Variants in PARD3 observed in about 807,000 individuals in gnomAD.
PARD3 encodes partitioning defective 3 homolog.
PARD3 carries 75 observed loss-of-function variants against 155.4 expected under a neutral mutation model. The observed-to-expected ratio is 0.48, with a 90% CI of 0.40 to 0.58. The LOEUF (loss-of-function observed/expected upper bound fraction) is 0.58, where lower values mean the gene tolerates loss of function less well. Among genes scored for constraint, PARD3 ranks in the 20% least tolerant of loss-of-function variants. The pLI is 0.00. For missense variants in PARD3, 1,642 were observed against 1,721.7 expected (o/e 0.95, Z 0.82); for synonymous variants, 576 against 610.5 (o/e 0.94, Z 0.83).
chr10:34,374,894 CGTCT>C lies in PARD3; in HGVS notation c.1644_1647del (p.Asp549ProfsTer7), dbSNP rs754310124. 1 of 1,613,914 alleles carries C rather than the reference CGTCT, an allele frequency of 6.2e-7. No homozygotes were observed. The highest frequency in any genetic ancestry group is 8.5e-7 in the Non-Finnish European group (1 of 1,179,864). On this transcript the variant is annotated frameshift_variant, in exon 11 of 25. Transcript: ENST00000374788. LOFTEE classifies it high-confidence loss of function. ...CACACCAGTTCCCTTGGGTGGAAGG[CGTCT>C]TCCTGGCGAAAGACCAGAAGGCTCA...
At chr10:34,346,384 G>A (rs1013298029) in intron 15 of PARD3, 2 of 1,326,928 alleles carry the variant, frequency 1.5e-6, no homozygotes, top group African/African-American at 1.5e-5. Context: ...AGGGATTGGA[G>A]GCAGGACGCA....
At chr10:34,281,682 A>G (rs1050629779) in intron 21 of PARD3, among the ~76,000 whole-genome samples, 6 of 152,174 alleles carry the variant, frequency 3.9e-5, no homozygotes, top group African/African-American at 1.4e-4. Flanking sequence ...AGATCTTAAC[A>G]TTGAAGAAAA....
chr10:34,357,347 G>A (rs1175824165), intron 14 of PARD3, among the ~76,000 whole-genome samples: 1 of 152,122 alleles, frequency 6.6e-6, no homozygotes, highest in Middle Eastern at 3.2e-3. Context: ...TAGAATGCAT[G>A]CCATCTGTCT....
chr10:34,222,397 C>T (rs539391982), intron 22 of PARD3, among the ~76,000 whole-genome samples: 113 of 152,334 alleles, frequency 7.4e-4, no homozygotes, highest in African/African-American at 2.5e-3. Flanking sequence ...CTGCAGAAAG[C>T]GGTCCCTCCT....
At chr10:34,563,751 G>C (rs1042975483) in intron 2 of PARD3, among the ~76,000 whole-genome samples, 1 of 151,974 alleles carries the variant, frequency 6.6e-6, no homozygotes, top group Non-Finnish European at 1.5e-5. Flanking sequence ...GGATGGTCTC[G>C]ATCTCTTGAC....
At chr10:34,490,927 T>G (rs1223784835) in intron 3 of PARD3, among the ~76,000 whole-genome samples, 2 of 152,214 alleles carry the variant, frequency 1.3e-5, no homozygotes, top group Non-Finnish European at 2.9e-5. Flanking sequence ...CAGGAATTAC[T>G]TTCACAAGCT....
chr10:34,129,774 C>T (rs1430480729), intron 23 of PARD3, among the ~76,000 whole-genome samples: 1 of 147,416 alleles, frequency 6.8e-6, no homozygotes, highest in Non-Finnish European at 1.5e-5. Context: ...CCTCCCAACT[C>T]AGCCTCCTGA....
At chr10:34,738,578 T>C (rs554611316) in intron 1 of PARD3, among the ~76,000 whole-genome samples, 1 of 152,328 alleles carries the variant, frequency 6.6e-6, no homozygotes, top group East Asian at 1.9e-4. Flanking sequence ...ACCCCATCTC[T>C]ACACATAATT....
chr10:34,585,674 T>C (rs2087959287), intron 2 of PARD3, among the ~76,000 whole-genome samples: 1 of 152,100 alleles, frequency 6.6e-6, no homozygotes, highest in Admixed American at 6.6e-5. Context: ...ATCATTCAAA[T>C]CACTCTGTCT....
intron 20 of PARD3, among the ~76,000 whole-genome samples, chr10:34,289,251 G>A (rs186318707): frequency 4.3e-4 from 65 of 152,034 alleles, no homozygotes; most frequent in African/African-American, 9.9e-4. Context: ...GTGCAGTGGC[G>A]CAATCTCAGC....
chr10:34,204,290 T>C (rs1174048364), intron 22 of PARD3, among the ~76,000 whole-genome samples: 2 of 152,162 alleles, frequency 1.3e-5, no homozygotes, highest in East Asian at 3.9e-4. Flanking sequence ...GGGGTTTTAT[T>C]AGTGGCTTAC....
chr10:34,177,466 A>C (rs1370365233), intron 22 of PARD3, among the ~76,000 whole-genome samples: 1 of 152,222 alleles, frequency 6.6e-6, no homozygotes, highest in Non-Finnish European at 1.5e-5. Context: ...TTCATCAGCC[A>C]GATTTCAAAA....
At chr10:34,682,026 T>C (rs928865586) in intron 2 of PARD3, among the ~76,000 whole-genome samples, 7 of 151,638 alleles carry the variant, frequency 4.6e-5, no homozygotes, top group African/African-American at 1.7e-4. Context: ...GCTCAATAAA[T>C]ATGTGAGGGC....
chr10:34,545,628 C>T (rs1190908238), intron 2 of PARD3, among the ~76,000 whole-genome samples: 1 of 152,308 alleles, frequency 6.6e-6, no homozygotes, highest in African/African-American at 2.4e-5. Flanking sequence ...AATCTCGGCT[C>T]ACTGCAATCT....
rs534287950 is a variant in PARD3 at position 34,766,403 on chromosome 10, A to C, written c.120+48473T>G. On this transcript the variant is annotated intron_variant, in intron 1 of 24. Transcript: ENST00000374788. ...TCTGCCAGAAGCTACCATCTGCTTC[A>C]TATCCCAGACAGCAAAACATTTCAA... Among the ~76,000 whole-genome samples the C allele has an allele frequency of 1.2e-3, 183 of 152,336 alleles. 4 individuals carry two copies. In the South Asian group the frequency reaches 0.021, roughly 17 times the overall value.
At chr10:34,695,796 A>G (rs539447862) in intron 2 of PARD3, among the ~76,000 whole-genome samples, 5 of 151,736 alleles carry the variant, frequency 3.3e-5, no homozygotes, top group Admixed American at 3.3e-4. Flanking sequence ...CAAATGGCCC[A>G]TCGCACAGCA....
chr10:34,258,460 G>A (rs752193866), intron 22 of PARD3, among the ~76,000 whole-genome samples: 48 of 152,198 alleles, frequency 3.2e-4, no homozygotes, highest in Non-Finnish European at 2.8e-4. Flanking sequence ...TGCGTTTGCT[G>A]AGATTAGGCT....
intron 19 of PARD3, among the ~76,000 whole-genome samples, chr10:34,327,881 TAGA>T (rs1835202501): frequency 6.6e-6 from 1 of 151,130 alleles, no homozygotes; most frequent in Admixed American, 6.6e-5. Flanking sequence ...GCACAGACAA[TAGA>T]AGATGTTGGA....
At chr10:34,197,524 A>G (rs963283101) in intron 22 of PARD3, among the ~76,000 whole-genome samples, 1 of 152,204 alleles carries the variant, frequency 6.6e-6, no homozygotes, top group Non-Finnish European at 1.5e-5. Context: ...TGTAGACATC[A>G]TTAATTTGCA....
Sources: gnomAD v4.1 joint callset for allele counts (sites outside exome capture counted in the v4.1 genomes callset) on GRCh38, gnomAD v4.1.1 for gene constraint, MANE v1.5 for transcripts, NCBI Gene and HGNC (gene_info 2026-07-23, HGNC 2026-07-21) for gene names.